The following RUBCN variants were observed in gnomAD, a reference collection of about 807,000 sequenced individuals.
RUBCN encodes the protein rubicon autophagy regulator.
In RUBCN, 74 loss-of-function variants were observed where a neutral mutation model predicts 113.2. That is an observed-to-expected ratio of 0.65 (90% CI 0.54 to 0.79). The LOEUF (loss-of-function observed/expected upper bound fraction) is 0.79. Among genes scored for constraint, RUBCN ranks in the 30% least tolerant of loss-of-function variants. The pLI is 0.00. For synonymous variants in RUBCN, 480 were observed against 490.0 expected (o/e 0.98, Z 0.27); for missense variants, 1,109 against 1,251.7 (o/e 0.89, Z 1.72).
chr3:197,705,340 C>T (rs531962078), intron 2 of RUBCN, among the ~76,000 whole-genome samples, 165 bp from the exon 3 acceptor site: 121 of 152,236 alleles, frequency 7.9e-4, no homozygotes, highest in Middle Eastern at 6.8e-3. Flanking sequence ...GGTGGTGGCT[C>T]ACACCTGTAA....
At chr3:197,731,315 CGT>C (rs1213248459) in intron 1 of RUBCN, among the ~76,000 whole-genome samples, 2 of 152,200 alleles carry the variant, frequency 1.3e-5, no homozygotes, top group Admixed American at 6.5e-5. Flanking sequence ...TTGGGGGTAA[CGT>C]CACCGATCAA....
Position 197,681,845 on chromosome 3 carries a change from C to G in RUBCN, c.2181G>C (p.Arg727=). Residue 727 remains arginine, a synonymous_variant, in exon 15 of 20, where the codon CGG becomes CGC. Coordinates refer to ENST00000296343, the MANE Select transcript of RUBCN (RefSeq NM_014687.4). This position sits in a 1 kb window ranked among gnomAD's most constrained non-coding sequence, Gnocchi z 5.5. ...QNYRCAGCGI[R]TDPDYIKRLR... ...AGGGAAGGCACTCACCAGGGTCAGT[C>G]CGGATGCCACATCCTGCACAGCGGT... 2.5e-6 allele frequency: 4 copies of G among 1,614,008 alleles called. No homozygotes were observed. Among genetic ancestry groups the G allele is most frequent in the Non-Finnish European group, 3.4e-6 (4 of 1,179,940 alleles).
At chr3:197,696,826 G>T in intron 8 of RUBCN, 128 bp downstream of exon 8, 1 of 681,612 alleles carries the variant, frequency 1.5e-6, no homozygotes. Flanking sequence ...TGACAAAAGA[G>T]TGACTGAGAC....
At position 197,700,849 on chromosome 3, in the gene RUBCN, T is replaced by A. The variant is rs778044467; in HGVS notation, c.1025A>T (p.His342Leu). ...PRGRTASCQS[H>L]SSNAESSSSN... ...ACTGCTGCTCTCGGCATTGCTGCTGTGACTCTGACAGCTGGCAGTCCGGCC... is the reference window on the plus strand; with the variant it reads ...ACTGCTGCTCTCGGCATTGCTGCTGAGACTCTGACAGCTGGCAGTCCGGCC... The change falls in exon 7 of 20, where the codon CAC (histidine) becomes CTC (leucine). Residue 342 changes from histidine (H) to leucine (L), a missense_variant. Physicochemically the swap from His to Leu is moderately conservative, Grantham distance 99. Transcript: ENST00000296343. 1 of 1,614,140 alleles carries A rather than the reference T, an allele frequency of 6.2e-7. No individual in the cohort carries two copies. The highest frequency in any genetic ancestry group is 8.5e-7 in the Non-Finnish European group (1 of 1,180,026).
In RUBCN at chr3:197,747,934, T is replaced by G. The variant is rs1422446843; in HGVS notation, c.-116+1335A>C. Among the ~76,000 whole-genome samples the G allele has an allele frequency of 2.0e-5, 3 of 151,358 alleles. No homozygotes were observed. In the South Asian group the frequency reaches 6.3e-4, roughly 32 times the overall value. ...CCCACAACCCAGTTTCTGTAGTTTT[T>G]TTTTTTTTTTTATTTGAGATGGAGT... is the stretch of plus-strand genomic sequence containing the variant. On this transcript the variant is annotated intron_variant, in intron 1 of 20. Coordinates refer to the RUBCN transcript ENST00000273582.
chr3:197,717,357 T>G (rs1254800831), intron 2 of RUBCN, among the ~76,000 whole-genome samples: 4 of 150,776 alleles, frequency 2.7e-5, no homozygotes, highest in Admixed American at 1.3e-4. Context: ...GCCAGGAGAA[T>G]GCTGTGAACC....
intron 11 of RUBCN, among the ~76,000 whole-genome samples, chr3:197,686,077 A>G (rs76645586): frequency 6.6e-6 from 1 of 152,132 alleles, no homozygotes; most frequent in Non-Finnish European, 1.5e-5. Context: ...AAAAAAAAAA[A>G]TCTTAGCTAT....
At chr3:197,693,480 C>T (rs563536609) in intron 11 of RUBCN, among the ~76,000 whole-genome samples, 38 of 152,272 alleles carry the variant, frequency 2.5e-4, no homozygotes, top group African/African-American at 9.1e-4. Flanking sequence ...CTGAGGAGGA[C>T]GCGTCAGGGT....
At position 197,694,543 on chromosome 3, in the gene RUBCN, T is replaced by A; in HGVS notation, c.1516A>T (p.Ile506Phe). 1.2e-6 allele frequency: 2 copies of A among 1,614,226 alleles called. No homozygotes were observed. The highest frequency in any genetic ancestry group is 8.5e-7 in the Non-Finnish European group (1 of 1,180,042). Residue 506 changes from isoleucine (I) to phenylalanine (F), a missense_variant, in exon 10 of 20, where the codon ATC (isoleucine) becomes TTC (phenylalanine). Ile to Phe is a conservative substitution (Grantham distance 21, BLOSUM62 0). Around this residue, in one of 3 missense-constraint regions of RUBCN, gnomAD observed 736 missense variants for 779.6 expected, o/e 0.94. Coordinates refer to ENST00000296343, the MANE Select transcript of RUBCN (RefSeq NM_014687.4). ...ATCATGTTGCACTTCATTAGCTCGA[T>A]GGCAGCAATTAAGGACTCTGAGATG... ...FSISESLIAA[I>F]ELMKCNMMSQ...
In RUBCN at chr3:197,681,882, G is replaced by T; in HGVS notation, c.2144C>A (p.Ala715Asp). The change falls in exon 15 of 20, where the codon GCC becomes GAC. Residue 715 changes from alanine (A) to aspartate (D), a missense_variant. Ala to Asp is a moderately radical substitution (Grantham distance 126). This residue lies in a region of RUBCN where 306 missense variants were observed against 348.9 expected (regional missense o/e 0.88). Transcript: ENST00000296343. This position sits in a 1 kb window ranked among gnomAD's most constrained non-coding sequence, Gnocchi z 5.5. The part of the protein sequence containing the change: ...HPAPTRKIAV[A>D]KQNYRCAGCG... ...TCCTGCACAGCGGTAATTCTGCTTGGCCACGGCAATTTTCCTCCTGAGGAA... is the reference window on the plus strand; with the variant it reads ...TCCTGCACAGCGGTAATTCTGCTTGTCCACGGCAATTTTCCTCCTGAGGAA... 6.2e-7 allele frequency: 1 copy of T among 1,613,888 alleles called. No homozygotes were observed. The highest frequency in any genetic ancestry group is 1.3e-5 in the African/African-American group (1 of 75,004).
chr3:197,730,393 G>A (rs1727278757), intron 1 of RUBCN, among the ~76,000 whole-genome samples: 1 of 152,056 alleles, frequency 6.6e-6, no homozygotes, highest in Non-Finnish European at 1.5e-5. Flanking sequence ...GGAGCTGCTG[G>A]GACTGCATCT....
rs1318256098 is a variant in RUBCN at position 197,676,905 on chromosome 3, T to A, written c.2626A>T (p.Thr876Ser). Residue 876 changes from threonine (T) to serine (S), a missense_variant, in exon 18 of 20, where the codon ACC becomes TCC. Thr to Ser is a moderately conservative substitution (Grantham distance 58, BLOSUM62 1). This residue lies in a region of RUBCN where 306 missense variants were observed against 348.9 expected (regional missense o/e 0.88). Coordinates refer to ENST00000296343, the MANE Select transcript of RUBCN (RefSeq NM_014687.4). ...RLAELTRAGA[T>S]HVERCMLCQA... Reference sequence around the variant, plus strand: ...CTCACCATGCATCTCTCCACATGGGTAGCCCCTGCCCTGGTGAGCTCAGCA... The same window carrying A: ...CTCACCATGCATCTCTCCACATGGGAAGCCCCTGCCCTGGTGAGCTCAGCA... 1.2e-6 allele frequency: 2 copies of A among 1,614,136 alleles called. No individual in the cohort carries two copies. Among genetic ancestry groups the A allele is most frequent in the Admixed American group, 1.7e-5 (1 of 60,022 alleles).
chr3:197,741,125 T>G (rs1047957086), upstream of RUBCN, among the ~76,000 whole-genome samples: 1 of 152,226 alleles, frequency 6.6e-6, no homozygotes, highest in Non-Finnish European at 1.5e-5. Flanking sequence ...TCTGCTTTCA[T>G]GGGGACCTAA....
chr3:197,741,327 T>C (rs184117513), upstream of RUBCN, among the ~76,000 whole-genome samples: 75 of 152,366 alleles, frequency 4.9e-4, no homozygotes, highest in African/African-American at 1.7e-3. Flanking sequence ...TTTTGCCAAA[T>C]GACCAATTCA....
At chr3:197,720,029 TCTAA>T (rs998454079) in intron 1 of RUBCN, among the ~76,000 whole-genome samples, 6 of 151,912 alleles carry the variant, frequency 3.9e-5, no homozygotes, top group South Asian at 2.1e-4. Flanking sequence ...ACTCCTTCTG[TCTAA>T]CTGTCTGTCC....
At position 197,683,734 on chromosome 3, in the gene RUBCN, C is replaced by T. The variant is rs1721524509; in HGVS notation, c.1848-295G>A. Among the ~76,000 whole-genome samples, 1 of 152,150 alleles carries T rather than the reference C, an allele frequency of 6.6e-6. No individual in the cohort carries two copies. Among genetic ancestry groups the T allele is most frequent in the Admixed American group, 6.5e-5 (1 of 15,276 alleles). On this transcript the variant is annotated intron_variant, in intron 12 of 19. Coordinates refer to ENST00000296343, the MANE Select transcript of RUBCN (RefSeq NM_014687.4). This position sits in a 1 kb window ranked among gnomAD's most constrained non-coding sequence, Gnocchi z 4.6. The stretch of plus-strand genomic sequence containing the variant: ...TAACAGCAAAATGGAGATTATAATG[C>T]CTGCTTACAAAACAAAGTGAGTAAA...
At chr3:197,697,827 G>A (rs1723182536) in intron 7 of RUBCN, among the ~76,000 whole-genome samples, 1 of 152,216 alleles carries the variant, frequency 6.6e-6, no homozygotes, top group African/African-American at 2.4e-5. Flanking sequence ...GTGGGAGAGT[G>A]AATGACTGAG....
chr3:197,736,551 A>C, intron 1 of RUBCN, 104 bp downstream of exon 1: 1 of 1,158,056 alleles, frequency 8.6e-7, no homozygotes, highest in Non-Finnish European at 1.2e-6. Context: ...CGTCCTCAAG[A>C]CTCGTCGCGC....
At chr3:197,739,519 C>T (rs1223421213), upstream of RUBCN, among the ~76,000 whole-genome samples, 2 of 149,962 alleles carry the variant, frequency 1.3e-5, no homozygotes, top group African/African-American at 4.9e-5. Flanking sequence ...CGGTGAAACC[C>T]CGTCTCTACT....
Sources: gnomAD v4.1 joint callset for allele counts (sites outside exome capture counted in the v4.1 genomes callset) on GRCh38, gnomAD v4.1.1 for gene constraint, gnomAD v4.1.1 regional missense constraint, Gnocchi (gnomAD v3.1) non-coding constraint, MANE v1.5 for transcripts, NCBI Gene and HGNC (gene_info 2026-07-23, HGNC 2026-07-21) for gene names.